The following GTF2IRD1 variants were observed in gnomAD, a reference collection of about 807,000 sequenced individuals.
GTF2IRD1 encodes the protein general transcription factor II-I repeat domain-containing protein 1.
In GTF2IRD1, 26 loss-of-function variants were observed where a neutral mutation model predicts 113.2. The observed-to-expected ratio is 0.23, with a 90% CI of 0.17 to 0.32. The LOEUF (loss-of-function observed/expected upper bound fraction) is 0.32. Among genes scored for constraint, GTF2IRD1 ranks in the 10% least tolerant of loss-of-function variants. GTF2IRD1 has a pLI of 1.00. For missense variants in GTF2IRD1, 864 were observed against 1,280.8 expected (o/e 0.67, Z 4.97); for synonymous variants, 484 against 529.1 (o/e 0.91, Z 1.17).
intron 25 of GTF2IRD1, among the ~76,000 whole-genome samples, chr7:74,598,318 A>C (rs1320140915): frequency 6.6e-6 from 1 of 151,960 alleles, no homozygotes; most frequent in South Asian, 2.1e-4. Context: ...GGCAGAGAGG[A>C]GGCCAGTCGC....
At chr7:74,566,706 G>C (rs1435785935) in intron 22 of GTF2IRD1, among the ~76,000 whole-genome samples, 1 of 152,218 alleles carries the variant, frequency 6.6e-6, no homozygotes, top group Non-Finnish European at 1.5e-5. Flanking sequence ...TCCCCAAGTA[G>C]CTGGCCTTAT....
chr7:74,504,398 A>G (rs1796194479), intron 1 of GTF2IRD1, among the ~76,000 whole-genome samples: 1 of 152,214 alleles, frequency 6.6e-6, no homozygotes, highest in Non-Finnish European at 1.5e-5. Context: ...CCTAGGACTG[A>G]GGGGTTTCCC....
At chr7:74,511,218 T>C (rs1209592051) in intron 2 of GTF2IRD1, among the ~76,000 whole-genome samples, 1 of 152,140 alleles carries the variant, frequency 6.6e-6, no homozygotes, top group Non-Finnish European at 1.5e-5. Context: ...GTGACAATGA[T>C]ATTTGCTTAG....
At chr7:74,502,575 C>T (rs1458215443) in intron 1 of GTF2IRD1, among the ~76,000 whole-genome samples, 2 of 152,220 alleles carry the variant, frequency 1.3e-5, no homozygotes, top group Admixed American at 1.3e-4. Flanking sequence ...CGCTCTGGGC[C>T]GGACTTCTAT....
At chr7:74,591,170 T>C (rs1234510711) in intron 24 of GTF2IRD1, among the ~76,000 whole-genome samples, 153 bp downstream of exon 24, 1 of 152,042 alleles carries the variant, frequency 6.6e-6, no homozygotes, top group East Asian at 1.9e-4. Flanking sequence ...TCAACAGTCA[T>C]GGACATTTAC....
At chr7:74,557,993 G>A (rs1554357702) in intron 20 of GTF2IRD1, among the ~76,000 whole-genome samples, 1 of 152,126 alleles carries the variant, frequency 6.6e-6, no homozygotes, top group African/African-American at 2.4e-5. Flanking sequence ...ATAGACAAGG[G>A]CCCGGCACAG....
At chr7:74,458,434 C>T (rs887197227) in intron 1 of GTF2IRD1, among the ~76,000 whole-genome samples, 1 of 151,864 alleles carries the variant, frequency 6.6e-6, no homozygotes, top group Non-Finnish European at 1.5e-5. Context: ...CCTGGCCTCT[C>T]GGAATCCCCT....
chr7:74,590,392 AT>A (rs879995607), intron 23 of GTF2IRD1, among the ~76,000 whole-genome samples: 363 of 121,868 alleles, frequency 3.0e-3, no homozygotes, highest in Non-Finnish European at 3.3e-3. Flanking sequence ...GTAGGTCTTG[AT>A]TTTTTTTTTT....
intron 6 of GTF2IRD1, among the ~76,000 whole-genome samples, chr7:74,520,470 T>A (rs1259268235): frequency 6.6e-6 from 1 of 152,090 alleles, no homozygotes; most frequent in African/African-American, 2.4e-5. Flanking sequence ...AGTGTTATCA[T>A]GATTAAATGA....
chr7:74,488,098 C>G (rs1462189593), intron 1 of GTF2IRD1, among the ~76,000 whole-genome samples: 5 of 151,706 alleles, frequency 3.3e-5, no homozygotes, highest in Non-Finnish European at 5.9e-5. Flanking sequence ...CTGGGCAACA[C>G]AGTGAGACCC....
At chr7:74,463,816 C>G (rs920015061) in intron 1 of GTF2IRD1, among the ~76,000 whole-genome samples, 1 of 152,036 alleles carries the variant, frequency 6.6e-6, no homozygotes, top group East Asian at 1.9e-4. Context: ...CTCCGCCTCC[C>G]GGGTTCAGTT....
chr7:74,589,145 C>T (rs1554368691), intron 22 of GTF2IRD1, among the ~76,000 whole-genome samples: 1 of 152,036 alleles, frequency 6.6e-6, no homozygotes, highest in Non-Finnish European at 1.5e-5. Context: ...CACTTGAGGC[C>T]AGCAAGAGGA....
At chr7:74,480,511 T>C (rs1347318632) in intron 1 of GTF2IRD1, among the ~76,000 whole-genome samples, 1 of 152,064 alleles carries the variant, frequency 6.6e-6, no homozygotes, top group Non-Finnish European at 1.5e-5. Flanking sequence ...CGGAGATTAG[T>C]CTCCAAGGCC....
At position 74,512,043 on chromosome 7, in the gene GTF2IRD1, G is replaced by C. The variant is rs568915906; in HGVS notation, c.124-787G>C. Among the ~76,000 whole-genome samples the C allele has an allele frequency of 2.6e-5, 4 of 152,260 alleles. No individual in the cohort carries two copies. The East Asian group carries it at 7.7e-4, about 29-fold the overall frequency. On this transcript the variant is annotated intron_variant, in intron 2 of 26. Coordinates refer to ENST00000424337, the MANE Select transcript of GTF2IRD1 (RefSeq NM_005685.4). The surrounding 1 kb of genome is among the most constrained non-coding windows in gnomAD (Gnocchi z 4.4). ...GTGGCACTGTGGAACTGGGCTGCTT[G>C]TCCCCAATTCTATAGACGTGGAAAC...
chr7:74,465,040 C>T (rs1004223123), intron 1 of GTF2IRD1, among the ~76,000 whole-genome samples: 17 of 152,210 alleles, frequency 1.1e-4, no homozygotes, highest in African/African-American at 2.9e-4. Context: ...CTGGCAGCTC[C>T]AAGGGGTCTT....
intron 1 of GTF2IRD1, among the ~76,000 whole-genome samples, chr7:74,455,834 C>T (rs1422328206): frequency 2.6e-5 from 4 of 152,088 alleles, no homozygotes. Context: ...TCAGAGGGTC[C>T]CACAGGACCC....
chr7:74,601,440 C>T, intron 26 of GTF2IRD1: 1 of 1,458,988 alleles, frequency 6.9e-7, no homozygotes, highest in South Asian at 1.4e-5. Context: ...TGAGGTCCAC[C>T]TGCCCACACC....
intron 4 of GTF2IRD1, among the ~76,000 whole-genome samples, chr7:74,517,560 C>T (rs1182430290): frequency 5.3e-5 from 8 of 150,036 alleles, no homozygotes; most frequent in African/African-American, 2.0e-4. Context: ...GCTGGGATTA[C>T]AGGCATGCAC....
At chr7:74,490,797 G>A (rs1554336521) in intron 1 of GTF2IRD1, among the ~76,000 whole-genome samples, 1 of 151,858 alleles carries the variant, frequency 6.6e-6, no homozygotes, top group African/African-American at 2.4e-5. Flanking sequence ...AGAAAAATCC[G>A]GCTCTTTCTA....
Sources: allele counts gnomAD v4.1 joint callset (sites outside exome capture counted in the v4.1 genomes callset), GRCh38; gene constraint gnomAD v4.1.1; non-coding constraint Gnocchi (gnomAD v3.1); transcripts MANE v1.5; gene names NCBI Gene and HGNC (gene_info 2026-07-23, HGNC 2026-07-21).